Variants in GRM7 observed in about 807,000 individuals in gnomAD.
GRM7 encodes the protein metabotropic glutamate receptor 7.
Under a neutral mutation model 84.5 loss-of-function variants are expected in GRM7, and 35 were observed. The observed-to-expected ratio is 0.41, with a 90% CI of 0.32 to 0.55. The LOEUF is 0.55. GRM7 is among the 20% of genes least tolerant of loss of function. The pLI, the probability that GRM7 is intolerant of heterozygous loss-of-function variation, is 0.19. For synonymous variants in GRM7, 487 were observed against 455.1 expected, an observed-to-expected ratio of 1.07 and a Z score of -0.89; for missense variants, 1,003 against 1,194.6, an observed-to-expected ratio of 0.84 and a Z score of 2.36.
At chr3:7,327,711 A>G (rs180696041) in intron 4 of GRM7, among the ~76,000 whole-genome samples, 1 of 152,322 alleles carries the variant, frequency 6.6e-6, no homozygotes, top group African/African-American at 2.4e-5. Flanking sequence ...TTATTAAGAT[A>G]TAAACATTCC....
At chr3:7,583,672 T>C (rs1695375084) in intron 8 of GRM7, among the ~76,000 whole-genome samples, 1 of 152,242 alleles carries the variant, frequency 6.6e-6, no homozygotes, top group African/African-American at 2.4e-5. Flanking sequence ...TGGGGTGTGC[T>C]TTAATTCTTG....
chr3:6,992,550 G>C (rs1694680068), intron 1 of GRM7, among the ~76,000 whole-genome samples: 1 of 152,148 alleles, frequency 6.6e-6, no homozygotes, highest in African/African-American at 2.4e-5. Flanking sequence ...GCTGTGGATA[G>C]GTTCAAGGGC....
intron 4 of GRM7, among the ~76,000 whole-genome samples, chr3:7,409,627 G>C (rs1193391473): frequency 6.6e-6 from 1 of 151,832 alleles, no homozygotes; most frequent in Non-Finnish European, 1.5e-5. Flanking sequence ...TTGAGATGGA[G>C]TCCCGCTCTG....
intron 7 of GRM7, among the ~76,000 whole-genome samples, chr3:7,511,581 G>A (rs1017817232): frequency 6.6e-6 from 1 of 151,824 alleles, no homozygotes; most frequent in Non-Finnish European, 1.5e-5. Flanking sequence ...GTCATACCCA[G>A]ACATGCACCA....
intron 1 of GRM7, among the ~76,000 whole-genome samples, chr3:7,034,865 G>C (rs1404094933): frequency 1.3e-5 from 2 of 152,188 alleles, no homozygotes; most frequent in East Asian, 1.9e-4. Context: ...TTAGTTCCAG[G>C]ACAGGGTGGC....
At chr3:7,551,068 C>T (rs912568349) in intron 7 of GRM7, among the ~76,000 whole-genome samples, 1 of 152,042 alleles carries the variant, frequency 6.6e-6, no homozygotes, top group African/African-American at 2.4e-5. Flanking sequence ...AAAAATACTC[C>T]ATCAATTTTT....
intron 1 of GRM7, among the ~76,000 whole-genome samples, chr3:6,945,483 T>C (rs1431583303): frequency 6.6e-6 from 1 of 152,142 alleles, no homozygotes; most frequent in South Asian, 2.1e-4. Flanking sequence ...TTCAGTTGGT[T>C]CCAAGTCTTT....
chr3:6,930,586 G>A (rs565282596), intron 1 of GRM7, among the ~76,000 whole-genome samples: 10 of 152,030 alleles, frequency 6.6e-5, no homozygotes, highest in African/African-American at 2.4e-4. Context: ...AATTATAAAG[G>A]CACTCATTTT....
At chr3:7,123,041 A>G (rs1326586822) in intron 1 of GRM7, among the ~76,000 whole-genome samples, 3 of 152,248 alleles carry the variant, frequency 2.0e-5, no homozygotes, top group Non-Finnish European at 4.4e-5. Context: ...AAATTGGTAA[A>G]TTAGAATCAC....
chr3:7,391,759 G>T (rs895281272), intron 4 of GRM7, among the ~76,000 whole-genome samples: 3 of 131,286 alleles, frequency 2.3e-5, no homozygotes, highest in African/African-American at 7.9e-5. Flanking sequence ...GAAAAGGTGT[G>T]CATGGAAAAA....
intron 2 of GRM7, among the ~76,000 whole-genome samples, chr3:7,194,226 A>G (rs1695808721): frequency 6.6e-6 from 1 of 152,124 alleles, no homozygotes; most frequent in African/African-American, 2.4e-5. Context: ...ATCTGTACAC[A>G]GAGTCAATCC....
intron 4 of GRM7, among the ~76,000 whole-genome samples, chr3:7,373,837 G>T (rs1309973519): frequency 1.3e-5 from 2 of 152,178 alleles, no homozygotes; most frequent in African/African-American, 2.4e-5. Flanking sequence ...GGGCAATATG[G>T]TAGCTACCAG....
At chr3:7,269,208 C>T (rs1446315199) in intron 2 of GRM7, among the ~76,000 whole-genome samples, 1 of 152,150 alleles carries the variant, frequency 6.6e-6, no homozygotes, top group Non-Finnish European at 1.5e-5. Flanking sequence ...ATTTGTTCTG[C>T]CCCTGAAAAC....
At chr3:6,911,634 C>T (rs1182326457) in intron 1 of GRM7, among the ~76,000 whole-genome samples, 1 of 152,046 alleles carries the variant, frequency 6.6e-6, no homozygotes, top group East Asian at 1.9e-4. Context: ...CCAAATAACC[C>T]ATCTTTGCTA....
intron 5 of GRM7, among the ~76,000 whole-genome samples, chr3:7,439,698 C>T (rs375291288): frequency 6.6e-6 from 1 of 152,170 alleles, no homozygotes; most frequent in Admixed American, 6.6e-5. Flanking sequence ...GTAAGAAGGA[C>T]ACTGATACAT....
intron 1 of GRM7, among the ~76,000 whole-genome samples, chr3:7,091,806 T>G (rs1698674807): frequency 6.6e-6 from 1 of 150,666 alleles, no homozygotes; most frequent in African/African-American, 2.5e-5. Flanking sequence ...AAACCCTGAA[T>G]TATACAGTAG....
At chr3:7,684,986 C>T (rs1438754342) in intron 9 of GRM7, among the ~76,000 whole-genome samples, 1 of 152,174 alleles carries the variant, frequency 6.6e-6, no homozygotes, top group African/African-American at 2.4e-5. Flanking sequence ...AGAAGGGCAC[C>T]TCAAACTGTT....
intron 4 of GRM7, among the ~76,000 whole-genome samples, chr3:7,400,204 C>CA (rs1298503173): frequency 1.3e-5 from 2 of 152,136 alleles, no homozygotes; most frequent in East Asian, 3.9e-4. Flanking sequence ...AACCTCAGTT[C>CA]ATTCATCTAA....
At chr3:7,193,600 A>G (rs1695785951) in intron 2 of GRM7, among the ~76,000 whole-genome samples, 2 of 151,832 alleles carry the variant, frequency 1.3e-5, no homozygotes, top group Admixed American at 1.3e-4. Context: ...CATCCTTTAA[A>G]ACATCTATGA....
Sources: gnomAD v4.1 joint callset for allele counts (sites outside exome capture counted in the v4.1 genomes callset) on GRCh38, gnomAD v4.1.1 for gene constraint, MANE v1.5 for transcripts, NCBI Gene and HGNC (gene_info 2026-07-23, HGNC 2026-07-21) for gene names.